The following ACADL variants were observed in gnomAD, a reference collection of about 807,000 sequenced individuals.
ACADL encodes the protein acyl-CoA dehydrogenase long chain.
Under a neutral mutation model 56.9 loss-of-function variants are expected in ACADL, and 60 were observed. The ratio of observed to expected loss-of-function variants is 1.05; its 90% confidence interval spans 0.86 to 1.31. The LOEUF (loss-of-function observed/expected upper bound fraction) is 1.31. Ranked by LOEUF, ACADL falls within the 50% of genes most tolerant of loss-of-function variation. ACADL has a pLI of 0.00. For missense variants in ACADL, 484 were observed against 525.5 expected (o/e 0.92, Z 0.77); for synonymous variants, 158 against 179.7 (o/e 0.88, Z 0.97).
intron 1 of ACADL, among the ~76,000 whole-genome samples, chr2:210,223,961 T>C (rs983130788): frequency 1.3e-5 from 2 of 152,124 alleles, no homozygotes; most frequent in African/African-American, 4.8e-5. Flanking sequence ...AGCCCTGTTA[T>C]CAAAAAGTTT....
intron 8 of ACADL, among the ~76,000 whole-genome samples, chr2:210,198,125 TAATA>T (rs1248347922): frequency 1.3e-5 from 2 of 152,180 alleles, no homozygotes; most frequent in Admixed American, 6.5e-5. Context: ...TTATATTTGT[TAATA>T]AATAATACTG....
chr2:210,202,783 A>C (rs553057967), intron 8 of ACADL, among the ~76,000 whole-genome samples: 109 of 152,172 alleles, frequency 7.2e-4, no homozygotes, highest in African/African-American at 2.5e-3. Flanking sequence ...CCTTTCTCTC[A>C]ACTACCATTC....
At chr2:210,189,352 G>C (rs1688595670) in intron 10 of ACADL, among the ~76,000 whole-genome samples, 1 of 152,006 alleles carries the variant, frequency 6.6e-6, no homozygotes, top group Admixed American at 6.6e-5. Context: ...CAGCACATAT[G>C]ATAACACTCT....
chr2:210,215,086 C>G (rs1689063263), intron 4 of ACADL, among the ~76,000 whole-genome samples: 3 of 152,170 alleles, frequency 2.0e-5, no homozygotes, highest in African/African-American at 4.8e-5. Flanking sequence ...TTCACTTACA[C>G]TTCTTTGGCA....
chr2:210,197,093 AG>A, intron 8 of ACADL, among the ~76,000 whole-genome samples: 1 of 152,228 alleles, frequency 6.6e-6, no homozygotes, highest in Non-Finnish European at 1.5e-5. Flanking sequence ...AAGCAAGACC[AG>A]GGTGTATCAG....
chr2:210,214,504 A>AAAGAAAGAAAGAAAGAAAGAAAGAAAGG (rs1689045232), intron 4 of ACADL, among the ~76,000 whole-genome samples: 1 of 150,256 alleles, frequency 6.7e-6, no homozygotes, highest in Non-Finnish European at 1.5e-5. Context: ...AGAAAGAAAG[A>AAAGAAAGAAAGAAAGAAAGAAAGAAAGG]AAGAAAAAGA....
At chr2:210,189,202 C>T in intron 10 of ACADL, 148 bp from the exon 11 acceptor site, 1 of 601,244 alleles carries the variant, frequency 1.7e-6, no homozygotes, top group Non-Finnish European at 2.9e-6. Context: ...ATATGGCATT[C>T]ATCCTAAATT....
At chr2:210,204,161 A>G (rs1688846179) in intron 7 of ACADL, among the ~76,000 whole-genome samples, 1 of 152,146 alleles carries the variant, frequency 6.6e-6, no homozygotes, top group Admixed American at 6.6e-5. Flanking sequence ...TTAGGGACTG[A>G]CCCTATGTGG....
chr2:210,204,554 A>G, intron 7 of ACADL, 27 bp downstream of exon 7: 1 of 1,456,120 alleles, frequency 6.9e-7, no homozygotes, highest in Non-Finnish European at 9.6e-7. Context: ...ATTCAGTCAA[A>G]AGATGGAATC....
At position 210,205,756 on chromosome 2, in the gene ACADL, A is replaced by G. The variant is rs1244992867; in HGVS notation, c.644T>C (p.Val215Ala). 6.2e-7 allele frequency: 1 copy of G among 1,614,046 alleles called. No homozygotes were observed. Among genetic ancestry groups the G allele is most frequent in the Admixed American group, 1.7e-5 (1 of 59,994 alleles). ...AGCTTCATGATTTGTGACCGCAACT[A>G]CAATCACAACATCACTTAATGACCC... Reference protein sequence around the residue: ...SNGSLSDVVIVVAVTNHEAPS... With the variant: ...SNGSLSDVVIAVAVTNHEAPS... The change falls in exon 6 of 11, where the codon GTA becomes GCA. Residue 215 changes from valine to alanine, a missense_variant. Coordinates refer to ENST00000233710, the MANE Select transcript of ACADL (RefSeq NM_001608.4).
At chr2:210,199,465 T>TA (rs1181528870) in intron 8 of ACADL, among the ~76,000 whole-genome samples, 1 of 152,134 alleles carries the variant, frequency 6.6e-6, no homozygotes, top group Non-Finnish European at 1.5e-5. Context: ...TTTTTGCTAT[T>TA]AAAATACAAT....
At chr2:210,203,576 T>G (rs1688834325) in intron 7 of ACADL, 132 bp from the exon 8 acceptor site, 4 of 606,638 alleles carry the variant, frequency 6.6e-6, no homozygotes, top group Non-Finnish European at 1.1e-5. Context: ...TCTTAACTCC[T>G]TATAAGAAAA....
chr2:210,202,391 C>G lies in ACADL; in HGVS notation c.984+940G>C, dbSNP rs1302269746. The stretch of plus-strand genomic sequence containing the variant: ...TACAGGCGTGAGTCAGTGTGCCTGG[C>G]CACGTTATTTAAAGAAATAGAAGTC... On this transcript the variant is annotated intron_variant, in intron 8 of 10. Coordinates refer to ENST00000233710, the MANE Select transcript of ACADL (RefSeq NM_001608.4). Among the ~76,000 whole-genome samples the G allele has an allele frequency of 2.0e-5, 3 of 152,142 alleles. No homozygotes were observed. In the East Asian group the frequency reaches 5.8e-4, roughly 29 times the overall value.
At chr2:210,202,885 AT>A (rs1688818152) in intron 8 of ACADL, among the ~76,000 whole-genome samples, 1 of 152,088 alleles carries the variant, frequency 6.6e-6, no homozygotes, top group East Asian at 1.9e-4. Context: ...CTCCACCTCC[AT>A]TAATGGCTCT....
chr2:210,203,528 A>C (rs939269154), intron 7 of ACADL, 84 bp from the exon 8 acceptor site: 2 of 827,176 alleles, frequency 2.4e-6, no homozygotes, highest in African/African-American at 3.4e-5. Context: ...AAATCCTATA[A>C]ATTATCTTTA....
At chr2:210,216,613 G>T (rs1689091191) in intron 3 of ACADL, 102 bp from the exon 4 acceptor site, 4 of 1,094,810 alleles carry the variant, frequency 3.7e-6, no homozygotes, top group Middle Eastern at 2.9e-4. Context: ...TTTGGTAGTG[G>T]CCTATCTCAT....
intron 4 of ACADL, among the ~76,000 whole-genome samples, chr2:210,210,641 A>G (rs559354428): frequency 1.3e-5 from 2 of 151,938 alleles, no homozygotes; most frequent in Admixed American, 1.3e-4. Context: ...CCCTGTCTCT[A>G]TTGATCAAAA....
chr2:210,201,598 G>C (rs1274136590), intron 8 of ACADL, among the ~76,000 whole-genome samples: 1 of 152,088 alleles, frequency 6.6e-6, no homozygotes, highest in Non-Finnish European at 1.5e-5. Context: ...CTAGAATGCT[G>C]GTTCTGAAAA....
chr2:210,210,748 C>T (rs906267065), intron 4 of ACADL, among the ~76,000 whole-genome samples: 2 of 152,156 alleles, frequency 1.3e-5, no homozygotes, highest in African/African-American at 4.8e-5. Flanking sequence ...GAGTTTGAGA[C>T]CAGCCTGGGC....
Sources: allele counts gnomAD v4.1 joint callset (sites outside exome capture counted in the v4.1 genomes callset), GRCh38; gene constraint gnomAD v4.1.1; transcripts MANE v1.5; gene names NCBI Gene and HGNC (gene_info 2026-07-23, HGNC 2026-07-21).